The following ESRRG variants were observed in gnomAD, a reference collection of about 807,000 sequenced individuals.
ESRRG encodes the protein estrogen-related receptor gamma.
Under a neutral mutation model 44.0 loss-of-function variants are expected in ESRRG, and 13 were observed. That is an observed-to-expected ratio of 0.30 (90% CI 0.19 to 0.47). The LOEUF is 0.47. ESRRG is among the 20% of genes least tolerant of loss of function. The pLI is 1.00. For missense variants in ESRRG, 395 were observed against 580.6 expected (o/e 0.68, Z 3.29); for synonymous variants, 215 against 214.6 (o/e 1.00, Z -0.02).
intron 2 of ESRRG, among the ~76,000 whole-genome samples, chr1:216,816,287 G>A (rs769548153): frequency 1.3e-5 from 2 of 152,014 alleles, no homozygotes; most frequent in Non-Finnish European, 2.9e-5. Flanking sequence ...TCATAATTGT[G>A]GACTTAATAG....
intron 2 of ESRRG, among the ~76,000 whole-genome samples, chr1:216,801,206 C>T (rs995896623): frequency 6.6e-6 from 1 of 152,122 alleles, no homozygotes; most frequent in Admixed American, 6.6e-5. Context: ...TAGACTTGTT[C>T]ATCCAACATA....
chr1:216,695,026 A>G (rs2079851247), intron 1 of ESRRG, among the ~76,000 whole-genome samples: 1 of 152,146 alleles, frequency 6.6e-6, no homozygotes, highest in Admixed American at 6.5e-5. Context: ...CTTCATTTAT[A>G]ATGAAGATAA....
At chr1:216,583,366 C>T (rs1267759348) in intron 3 of ESRRG, among the ~76,000 whole-genome samples, 3 of 152,214 alleles carry the variant, frequency 2.0e-5, no homozygotes, top group Non-Finnish European at 4.4e-5. Context: ...TTCAGCAAGG[C>T]CTCTGACAGA....
chr1:216,993,906 A>G (rs1021074553), intron 1 of ESRRG, among the ~76,000 whole-genome samples: 2 of 152,160 alleles, frequency 1.3e-5, no homozygotes, highest in Non-Finnish European at 2.9e-5. Context: ...TTCAAATTTT[A>G]TCTCCAGGTA....
chr1:217,112,874 C>A (rs1030846022), intron 1 of ESRRG, among the ~76,000 whole-genome samples: 10 of 152,078 alleles, frequency 6.6e-5, no homozygotes, highest in Non-Finnish European at 1.0e-4. Context: ...CTTTGTAGAC[C>A]CTCTCTGTGA....
chr1:216,807,806 C>G (rs1164203297), intron 2 of ESRRG, among the ~76,000 whole-genome samples: 5 of 152,076 alleles, frequency 3.3e-5, no homozygotes, highest in African/African-American at 1.2e-4. Flanking sequence ...TCTAAGAAGC[C>G]TGGCTCATTA....
chr1:216,958,856 G>A (rs2068480910), intron 1 of ESRRG, among the ~76,000 whole-genome samples: 1 of 151,886 alleles, frequency 6.6e-6, no homozygotes, highest in Non-Finnish European at 1.5e-5. Context: ...CCCTCTGCAG[G>A]GATTTTCTTG....
Position 216,689,556 on chromosome 1 carries a change from A to T in ESRRG, c.57-12065T>A, listed in dbSNP as rs537556541. The stretch of plus-strand genomic sequence containing the variant: ...TGGTAGTATCTTAATACATTTTTTT[A>T]AAATCCAAAATTTTGGGATTTTTTG... On this transcript the variant is annotated intron_variant, in intron 1 of 6. Coordinates refer to ENST00000408911, the MANE Select transcript of ESRRG (RefSeq NM_001438.4). Among the ~76,000 whole-genome samples, 662 of 152,214 alleles carry T rather than the reference A, an allele frequency of 4.3e-3. 3 individuals carry two copies. Among genetic ancestry groups the T allele is most frequent in the African/African-American group, 0.015 (638 of 41,560 alleles).
intron 2 of ESRRG, among the ~76,000 whole-genome samples, chr1:216,871,399 C>T (rs1161452929): frequency 6.6e-6 from 1 of 151,890 alleles, no homozygotes; most frequent in Non-Finnish European, 1.5e-5. Context: ...AGGATATAGT[C>T]TATCTTAATG....
chr1:217,136,499 C>T (rs965776365), intron 1 of ESRRG, among the ~76,000 whole-genome samples: 3 of 152,156 alleles, frequency 2.0e-5, no homozygotes, highest in Non-Finnish European at 4.4e-5. Flanking sequence ...CCAGCTCTAG[C>T]GTAAGCCTGA....
chr1:216,822,296 T>G (rs2148631371), intron 2 of ESRRG, among the ~76,000 whole-genome samples: 1 of 152,280 alleles, frequency 6.6e-6, no homozygotes, highest in East Asian at 1.9e-4. Flanking sequence ...ACTCTCTAAT[T>G]AAAGTCTGAA....
At chr1:216,617,777 G>C (rs1318866004) in intron 3 of ESRRG, among the ~76,000 whole-genome samples, 3 of 152,114 alleles carry the variant, frequency 2.0e-5, no homozygotes, top group Non-Finnish European at 4.4e-5. Context: ...GAGCCTGCTT[G>C]ACTAGAATAA....
chr1:216,968,685 GT>G (rs2070967959), intron 1 of ESRRG, among the ~76,000 whole-genome samples: 1 of 141,700 alleles, frequency 7.1e-6, no homozygotes. Flanking sequence ...TCATTCTTGT[GT>G]TGACTAGTAT....
intron 2 of ESRRG, among the ~76,000 whole-genome samples, chr1:216,828,432 T>C (rs1545110): frequency 0.54 from 81,263 of 151,856 alleles, 22,760 homozygotes; most frequent in Non-Finnish European, 0.62. Flanking sequence ...TTTCATATGT[T>C]ACCACATCTG....
chr1:216,769,477 T>C (rs2093283674), intron 2 of ESRRG, among the ~76,000 whole-genome samples: 1 of 152,084 alleles, frequency 6.6e-6, no homozygotes, highest in Non-Finnish European at 1.5e-5. Flanking sequence ...ATCAAAGGCC[T>C]CAACTTCTAA....
At chr1:216,787,056 C>T (rs544501903) in intron 2 of ESRRG, among the ~76,000 whole-genome samples, 82 of 149,890 alleles carry the variant, frequency 5.5e-4, no homozygotes, top group African/African-American at 1.9e-3. Context: ...GTTCACTTTC[C>T]GTCTCTGTGT....
At chr1:216,974,363 C>A (rs947788178) in intron 1 of ESRRG, among the ~76,000 whole-genome samples, 3 of 152,026 alleles carry the variant, frequency 2.0e-5, no homozygotes, top group Non-Finnish European at 4.4e-5. Flanking sequence ...TATTATATAT[C>A]TTTTTTAAAT....
At chr1:217,005,655 C>T (rs886474922) in intron 1 of ESRRG, among the ~76,000 whole-genome samples, 2 of 151,960 alleles carry the variant, frequency 1.3e-5, no homozygotes, top group Non-Finnish European at 2.9e-5. Context: ...ATTTACAATA[C>T]CATAAATTCT....
chr1:216,663,351 G>A (rs1469829450), intron 2 of ESRRG, among the ~76,000 whole-genome samples: 1 of 152,138 alleles, frequency 6.6e-6, no homozygotes, highest in African/African-American at 2.4e-5. Context: ...AATGGAAACT[G>A]TAAATAGTAT....
Sources: allele counts gnomAD v4.1 joint callset (sites outside exome capture counted in the v4.1 genomes callset), GRCh38; gene constraint gnomAD v4.1.1; transcripts MANE v1.5; gene names NCBI Gene and HGNC (gene_info 2026-07-23, HGNC 2026-07-21).